Variants in ACSL5 observed in about 807,000 individuals in gnomAD.
The protein encoded by ACSL5 is long-chain-fatty-acid--CoA ligase 5.
Under a neutral mutation model 84.9 loss-of-function variants are expected in ACSL5, and 50 were observed. The ratio of observed to expected loss-of-function variants is 0.59; its 90% CI spans 0.47 to 0.75. ACSL5 has a LOEUF of 0.75. ACSL5 is among the 30% of genes least tolerant of loss of function. The pLI, the probability that ACSL5 is intolerant of heterozygous loss-of-function variation, is 0.00. For synonymous variants in ACSL5, 280 were observed against 300.7 expected (o/e 0.93, Z 0.71); for missense variants, 775 against 830.4 (o/e 0.93, Z 0.82).
intron 1 of ACSL5, among the ~76,000 whole-genome samples, chr10:112,377,279 C>G (rs1463262005): frequency 1.3e-5 from 2 of 152,330 alleles, no homozygotes; most frequent in East Asian, 3.9e-4. Context: ...GTGACTCACA[C>G]CTGTAATCCC....
intron 2 of ACSL5, among the ~76,000 whole-genome samples, chr10:112,395,305 A>G (rs1259225964): frequency 6.6e-6 from 1 of 152,272 alleles, no homozygotes; most frequent in African/African-American, 2.4e-5. Context: ...GTATGATGTC[A>G]GTAATCTAGA....
chr10:112,394,528 G>A (rs941449924), intron 1 of ACSL5, among the ~76,000 whole-genome samples: 24 of 152,292 alleles, frequency 1.6e-4, no homozygotes, highest in African/African-American at 5.8e-4. Flanking sequence ...GGTCTGCCTG[G>A]GCAGAGGAGG....
At chr10:112,423,388 G>T (rs1844554963) in intron 17 of ACSL5, among the ~76,000 whole-genome samples, 1 of 149,710 alleles carries the variant, frequency 6.7e-6, no homozygotes, top group Admixed American at 6.7e-5. Flanking sequence ...ATAGAGATGG[G>T]GTCTCGCTGA....
chr10:112,426,727 A>G, intron 19 of ACSL5, 61 bp from the exon 20 acceptor site: 1 of 1,494,552 alleles, frequency 6.7e-7, no homozygotes, highest in South Asian at 1.1e-5. Flanking sequence ...GAGTTGGTTC[A>G]TGCTTAGCCC....
In ACSL5 at chr10:112,426,306, T is replaced by A; in HGVS notation, c.1786T>A (p.Phe596Ile). 6.2e-7 allele frequency: 1 copy of A among 1,614,142 alleles called. No individual in the cohort carries two copies. Among genetic ancestry groups the A allele is most frequent in the Non-Finnish European group, 8.5e-7 (1 of 1,180,012 alleles). Residue 596 changes from phenylalanine to isoleucine, a missense_variant, in exon 19 of 21, where the codon TTT (phenylalanine) becomes ATT (isoleucine). Coordinates refer to ENST00000354655, the MANE Select transcript of ACSL5 (RefSeq NM_203379.2). ...TCCTGACACAGATGTACTTCCCTCA[T>A]TTGCAGCCAAGCTTGGGGTGAAGGG... Reference protein sequence around the residue: ...VVPDTDVLPSFAAKLGVKGSF... With the variant: ...VVPDTDVLPSIAAKLGVKGSF...
chr10:112,395,160 C>G (rs578252414), intron 2 of ACSL5, 58 bp downstream of exon 2: 3 of 1,537,662 alleles, frequency 2.0e-6, no homozygotes, highest in Non-Finnish European at 2.7e-6. Flanking sequence ...AACTGTAACT[C>G]CAAACCTAGG....
intron 1 of ACSL5, among the ~76,000 whole-genome samples, chr10:112,375,930 CG>C (rs1399364471): frequency 1.3e-5 from 2 of 152,170 alleles, no homozygotes; most frequent in Non-Finnish European, 2.9e-5. Flanking sequence ...TCCTGTCCTC[CG>C]AATCCAGCAG....
intron 1 of ACSL5, among the ~76,000 whole-genome samples, chr10:112,392,510 G>C (rs1365897923): frequency 6.6e-6 from 1 of 152,182 alleles, no homozygotes; most frequent in Non-Finnish European, 1.5e-5. Flanking sequence ...GGGAGGCCAA[G>C]GCAGGCGGAT....
chr10:112,411,247 T>G, intron 9 of ACSL5: 2 of 575,854 alleles, frequency 3.5e-6, no homozygotes. Context: ...TGCATAGTAG[T>G]AGAAGGCCAA....
intron 1 of ACSL5, among the ~76,000 whole-genome samples, chr10:112,391,420 A>G (rs985335092): frequency 2.0e-5 from 3 of 151,974 alleles, no homozygotes; most frequent in Non-Finnish European, 4.4e-5. Context: ...TGCACCTCCT[A>G]CTTGAGTTGG....
intron 5 of ACSL5, among the ~76,000 whole-genome samples, chr10:112,405,789 A>G (rs931983254): frequency 6.6e-6 from 1 of 152,218 alleles, no homozygotes; most frequent in South Asian, 2.1e-4. Context: ...TTTGTATGTT[A>G]TATGTATTGT....
chr10:112,411,420 T>C (rs1844173540), intron 9 of ACSL5, 36 bp from the exon 10 acceptor site: 2 of 1,554,324 alleles, frequency 1.3e-6, no homozygotes, highest in East Asian at 4.5e-5. Flanking sequence ...ATTAGCTACA[T>C]AAAGTATCTT....
At chr10:112,381,691 G>A (rs533844551) in intron 1 of ACSL5, among the ~76,000 whole-genome samples, 3 of 150,812 alleles carry the variant, frequency 2.0e-5, no homozygotes, top group South Asian at 2.1e-4. Context: ...AAAAGAGGCC[G>A]GGTGCGGTGG....
intron 1 of ACSL5, among the ~76,000 whole-genome samples, chr10:112,379,170 C>T (rs375389201): frequency 2.6e-5 from 4 of 152,202 alleles, no homozygotes; most frequent in South Asian, 2.1e-4. Context: ...TTTGGGAGGC[C>T]GAGGCAGGCA....
At position 112,413,380 on chromosome 10, in the gene ACSL5, T is replaced by G. The variant is rs540635106; in HGVS notation, c.1083+73T>G. On this transcript the variant is annotated intron_variant, in intron 12 of 20. Transcript: ENST00000354655. ...AAGGAACTCTGTACTACTATGAGATTTACTCCACCTCTACCTCCACCCTCT... is the reference window on the plus strand; with the variant it reads ...AAGGAACTCTGTACTACTATGAGATGTACTCCACCTCTACCTCCACCCTCT... The G allele has an allele frequency of 4.6e-6, 7 of 1,531,870 alleles. No individual in the cohort carries two copies. The East Asian group carries it at 1.6e-4, about 35-fold the overall frequency. The allele number at this position is 1,531,870 out of a possible 1,614,324, so 94.9% of individuals were successfully genotyped here. A position where few individuals can be genotyped will look rare whatever the true frequency, so the allele number is the denominator to read the frequency against.
chr10:112,426,436 A>G, intron 19 of ACSL5, 77 bp downstream of exon 19: 2 of 1,258,982 alleles, frequency 1.6e-6, no homozygotes, highest in Non-Finnish European at 1.2e-6. Context: ...CAGTTCCTGC[A>G]TCTGTCACAA....
intron 5 of ACSL5, among the ~76,000 whole-genome samples, chr10:112,405,713 C>A (rs1844019021): frequency 6.6e-6 from 1 of 151,998 alleles, no homozygotes; most frequent in South Asian, 2.1e-4. Flanking sequence ...CCACAGATAA[C>A]CCCCCCAAAA....
intron 3 of ACSL5, among the ~76,000 whole-genome samples, chr10:112,401,759 CCTTT>C (rs981334990): frequency 7.2e-5 from 11 of 151,888 alleles, no homozygotes; most frequent in African/African-American, 9.6e-5. Context: ...CTCTCTCTCT[CCTTT>C]CTTTCTTTCT....
chr10:112,401,837 TTTCTTCC>T (rs1843913350), intron 3 of ACSL5, among the ~76,000 whole-genome samples: 4 of 66,272 alleles, frequency 6.0e-5, no homozygotes, highest in Middle Eastern at 8.9e-3. Context: ...TCTTTCTTTC[TTTCTTCC>T]TTCCTTCCTT....
Sources: allele counts gnomAD v4.1 joint callset (sites outside exome capture counted in the v4.1 genomes callset), GRCh38; gene constraint gnomAD v4.1.1; transcripts MANE v1.5; gene names NCBI Gene and HGNC (gene_info 2026-07-23, HGNC 2026-07-21).